The following TENM3 variants were observed in gnomAD, a reference collection of about 807,000 sequenced individuals.
The protein encoded by TENM3 is teneurin transmembrane protein 3.
A neutral mutation model predicts 255.1 loss-of-function variants in TENM3; 63 were observed. The observed-to-expected ratio is 0.25, with a 90% CI of 0.20 to 0.30. The LOEUF (loss-of-function observed/expected upper bound fraction) is 0.30, where lower values mean the gene tolerates loss of function less well. Ranked by LOEUF, TENM3 falls within the 10% of genes least tolerant of loss-of-function variation. The pLI, the probability that TENM3 is intolerant of heterozygous loss-of-function variation, is 1.00. For missense variants in TENM3, 2,929 were observed against 3,461.1 expected (o/e 0.85, Z 3.86); for synonymous variants, 1,306 against 1,322.3 (o/e 0.99, Z 0.27).
the TENM3 span, among the ~76,000 whole-genome samples, chr4:181,616,442 T>C: frequency 6.7e-6 from 1 of 148,638 alleles, no homozygotes; most frequent in Admixed American, 6.8e-5. Flanking sequence ...ATATATATCC[T>C]ATCCATATAA....
At chr4:181,999,103 A>G in the TENM3 span, among the ~76,000 whole-genome samples, 1 of 152,124 alleles carries the variant, frequency 6.6e-6, no homozygotes, top group African/African-American at 2.4e-5. Context: ...CTTTAATTCC[A>G]GATTTTGAGC....
the TENM3 span, among the ~76,000 whole-genome samples, chr4:182,100,528 TAC>T: frequency 2.8e-5 from 4 of 142,366 alleles, no homozygotes; most frequent in African/African-American, 8.1e-5. Flanking sequence ...CACATATATA[TAC>T]ACACATATAT....
At chr4:182,332,963 G>A (rs1414498838) in intron 2 of TENM3, among the ~76,000 whole-genome samples, 4 of 152,064 alleles carry the variant, frequency 2.6e-5, no homozygotes, top group Non-Finnish European at 5.9e-5. Flanking sequence ...AAATCTAGAG[G>A]AATTTATTTT....
At chr4:182,744,089 C>G (rs1282778270) in intron 19 of TENM3, 8 of 471,966 alleles carry the variant, frequency 1.7e-5, no homozygotes, top group Non-Finnish European at 2.0e-5. Flanking sequence ...TCTAACTGTG[C>G]TTTCTTTTTT....
intron 6 of TENM3, among the ~76,000 whole-genome samples, chr4:182,669,371 G>A (rs904157670): frequency 1.3e-5 from 2 of 152,126 alleles, no homozygotes; most frequent in South Asian, 2.1e-4. Context: ...CCAGGTTCAC[G>A]CCATTCTCCT....
chr4:182,723,171 T>G (rs1759888505), intron 13 of TENM3, among the ~76,000 whole-genome samples: 1 of 152,140 alleles, frequency 6.6e-6, no homozygotes, highest in South Asian at 2.1e-4. Flanking sequence ...AGCATTGAAA[T>G]GATGTGAACA....
At chr4:181,960,606 T>C in the TENM3 span, among the ~76,000 whole-genome samples, 1 of 152,158 alleles carries the variant, frequency 6.6e-6, no homozygotes, top group Non-Finnish European at 1.5e-5. Context: ...GGAAACTCAA[T>C]TTGCCTGGGG....
chr4:181,649,039 T>C, the TENM3 span, among the ~76,000 whole-genome samples: 25 of 152,232 alleles, frequency 1.6e-4, no homozygotes, highest in African/African-American at 5.5e-4. Context: ...ATTATTATTA[T>C]CATTATCATT....
the TENM3 span, among the ~76,000 whole-genome samples, chr4:181,796,605 G>A: frequency 6.6e-6 from 1 of 152,172 alleles, no homozygotes; most frequent in Non-Finnish European, 1.5e-5. Context: ...GGGAGGGGTG[G>A]GGCCCACACA....
chr4:182,382,456 C>T (rs1372404835), intron 3 of TENM3, among the ~76,000 whole-genome samples: 1 of 151,962 alleles, frequency 6.6e-6, no homozygotes, highest in Non-Finnish European at 1.5e-5. Context: ...CCCAGCCAAC[C>T]TCTCCCCGCC....
the TENM3 span, among the ~76,000 whole-genome samples, chr4:182,068,554 GA>G: frequency 5.9e-5 from 9 of 151,418 alleles, no homozygotes; most frequent in Non-Finnish European, 7.4e-5. Context: ...AATGAAATAT[GA>G]AAAAAAAGCA....
intron 24 of TENM3, among the ~76,000 whole-genome samples, chr4:182,786,600 G>C (rs1765679049): frequency 6.6e-6 from 1 of 151,852 alleles, no homozygotes; most frequent in African/African-American, 2.4e-5. Context: ...AGCAGCATGG[G>C]GTTCCATGCC....
intron 22 of TENM3, among the ~76,000 whole-genome samples, chr4:182,771,163 T>G (rs892232807): frequency 2.1e-4 from 32 of 152,298 alleles, no homozygotes; most frequent in Non-Finnish European, 3.4e-4. Flanking sequence ...GAATGTGTGG[T>G]AAGCCAATGA....
the TENM3 span, among the ~76,000 whole-genome samples, chr4:181,658,539 C>G: frequency 6.6e-6 from 1 of 152,154 alleles, no homozygotes; most frequent in Non-Finnish European, 1.5e-5. Flanking sequence ...ACAACTAATG[C>G]TAGTCATGCT....
At chr4:181,741,994 T>C in the TENM3 span, among the ~76,000 whole-genome samples, 3 of 152,208 alleles carry the variant, frequency 2.0e-5, no homozygotes, top group African/African-American at 7.2e-5. Flanking sequence ...TACTTATCGC[T>C]TGTGTCATTT....
the TENM3 span, among the ~76,000 whole-genome samples, chr4:181,461,113 G>A: frequency 2.2e-4 from 34 of 151,612 alleles, no homozygotes; most frequent in East Asian, 5.6e-3. Flanking sequence ...TCAGACTATC[G>A]GAAAAAATAT....
intron 1 of TENM3, among the ~76,000 whole-genome samples, chr4:182,269,488 CT>C (rs1043178321): frequency 2.6e-5 from 4 of 152,172 alleles, no homozygotes; most frequent in African/African-American, 9.7e-5. Context: ...TAGACGATCA[CT>C]GAGAGAAGAT....
At chr4:181,617,001 G>T in the TENM3 span, among the ~76,000 whole-genome samples, 1 of 152,068 alleles carries the variant, frequency 6.6e-6, no homozygotes, top group African/African-American at 2.4e-5. Context: ...TAAAATTAAT[G>T]ATCACACCCC....
At chr4:182,511,802 C>T (rs1032605289) in intron 3 of TENM3, among the ~76,000 whole-genome samples, 9 of 152,230 alleles carry the variant, frequency 5.9e-5, no homozygotes, top group Non-Finnish European at 1.5e-5. Context: ...CATATGACCT[C>T]TGAAGGACTG....
Sources: allele counts gnomAD v4.1 joint callset (sites outside exome capture counted in the v4.1 genomes callset), GRCh38; gene constraint gnomAD v4.1.1; transcripts MANE v1.5; gene names NCBI Gene and HGNC (gene_info 2026-07-23, HGNC 2026-07-21).